Variants in MAP2K6 observed in about 807,000 individuals in gnomAD.
MAP2K6 encodes the protein dual specificity mitogen-activated protein kinase kinase 6.
Under a neutral mutation model 53.7 loss-of-function variants are expected in MAP2K6, and 16 were observed. That is an observed-to-expected ratio of 0.30 (90% CI 0.20 to 0.45). The LOEUF (loss-of-function observed/expected upper bound fraction) is 0.45. Ranked by LOEUF, MAP2K6 falls within the 20% of genes least tolerant of loss-of-function variation. The probability of loss-of-function intolerance (pLI) is 1.00; values close to 1 mark genes in which losing one functional copy is unlikely to be tolerated. For synonymous variants in MAP2K6, 132 were observed against 143.1 expected (o/e 0.92, Z 0.55); for missense variants, 204 against 411.9 (o/e 0.50, Z 4.37).
intron 1 of MAP2K6, among the ~76,000 whole-genome samples, chr17:69,470,710 C>A (rs1327713209): frequency 6.6e-6 from 1 of 152,226 alleles, no homozygotes; most frequent in African/African-American, 2.4e-5. Flanking sequence ...TCCTCAACGG[C>A]ACTACCTGCT....
chr17:69,526,801 C>T lies in MAP2K6; in HGVS notation c.881+92C>T, dbSNP rs188432093. 15 of 1,429,804 alleles carry T rather than the reference C, an allele frequency of 1.0e-5. No individual in the cohort carries two copies. The East Asian group carries it at 1.9e-4, about 18-fold the overall frequency. The allele number at this position is 1,429,804 out of a possible 1,614,324, so 88.6% of individuals were successfully genotyped here. A position where few individuals can be genotyped will look rare whatever the true frequency, so the allele number is the denominator to read the frequency against. Reference sequence around the variant, plus strand: ...ATCGGGGTTGAATCCATCATGCATACATTCATTCCGAAAGCATTTGTGGAG... The same window carrying T: ...ATCGGGGTTGAATCCATCATGCATATATTCATTCCGAAAGCATTTGTGGAG... On this transcript the variant is annotated intron_variant, in intron 10 of 11. Coordinates refer to ENST00000590474, the MANE Select transcript of MAP2K6 (RefSeq NM_002758.4).
intron 1 of MAP2K6, among the ~76,000 whole-genome samples, chr17:69,493,578 T>G (rs1005552418): frequency 1.3e-5 from 2 of 152,068 alleles, no homozygotes; most frequent in African/African-American, 4.8e-5. Flanking sequence ...CTGGCCAGCA[T>G]GGCGAAACCC....
chr17:69,492,327 A>G (rs750956027), intron 1 of MAP2K6, among the ~76,000 whole-genome samples: 2 of 152,154 alleles, frequency 1.3e-5, no homozygotes, highest in Non-Finnish European at 2.9e-5. Flanking sequence ...TGGTTTTCGT[A>G]TATGGTATAA....
chr17:69,444,511 G>T (rs1385839360), intron 1 of MAP2K6, among the ~76,000 whole-genome samples: 1 of 152,200 alleles, frequency 6.6e-6, no homozygotes, highest in Non-Finnish European at 1.5e-5. Context: ...ATCGAAGGAA[G>T]GGGTCTGGTG....
At chr17:69,480,469 TGAG>T (rs1429281295) in intron 1 of MAP2K6, among the ~76,000 whole-genome samples, 1 of 152,170 alleles carries the variant, frequency 6.6e-6, no homozygotes, top group African/African-American at 2.4e-5. Flanking sequence ...TTGAGACAAT[TGAG>T]GAGAAGTAGT....
chr17:69,426,489 C>T (rs1906280447), intron 1 of MAP2K6, among the ~76,000 whole-genome samples: 1 of 152,158 alleles, frequency 6.6e-6, no homozygotes, highest in Non-Finnish European at 1.5e-5. Flanking sequence ...TATAAACATA[C>T]ATTTGCTTCA....
chr17:69,421,737 A>T (rs1471072400), intron 1 of MAP2K6, among the ~76,000 whole-genome samples: 4 of 150,746 alleles, frequency 2.7e-5, no homozygotes, highest in Non-Finnish European at 5.9e-5. Flanking sequence ...TAGAGATGGG[A>T]TTTCACCGTG....
chr17:69,530,608 C>A (rs2716197), intron 10 of MAP2K6, among the ~76,000 whole-genome samples: 90,497 of 151,894 alleles, frequency 0.6, 27,143 homozygotes, highest in Middle Eastern at 0.72. Flanking sequence ...TGCAAGCTCT[C>A]CTATTTCAGA....
At chr17:69,436,019 TAAAA>T (rs10610258) in intron 1 of MAP2K6, among the ~76,000 whole-genome samples, 1 of 144,786 alleles carries the variant, frequency 6.9e-6, no homozygotes, top group African/African-American at 2.5e-5. Context: ...CGATTTAAAA[TAAAA>T]AAAAAAAAAA....
intron 1 of MAP2K6, among the ~76,000 whole-genome samples, chr17:69,479,260 C>T (rs1023092091): frequency 1.3e-5 from 2 of 151,996 alleles, no homozygotes; most frequent in African/African-American, 4.8e-5. Flanking sequence ...CTACTTCTTC[C>T]AAGCAGTACA....
intron 10 of MAP2K6, among the ~76,000 whole-genome samples, chr17:69,529,357 A>G (rs760272922): frequency 6.6e-6 from 1 of 151,820 alleles, no homozygotes; most frequent in Non-Finnish European, 1.5e-5. Flanking sequence ...ATTTTCTTCA[A>G]TTTGTTTAAA....
At chr17:69,520,924 C>A in intron 6 of MAP2K6, 125 bp from the exon 7 acceptor site, 2 of 673,082 alleles carry the variant, frequency 3.0e-6, no homozygotes, top group Non-Finnish European at 2.5e-6. Flanking sequence ...TAGATAGGAC[C>A]ACCACTATTT....
Position 69,549,250 on chromosome 17 carries a change from T to C in MAP2K6, c.*7497T>C, listed in dbSNP as rs1911999790. ...TGATGTGCTCCATAGCTTTCTCCAG[T>C]TTACACTTTTGCATTTCTGAGATTC... On this transcript the variant is annotated 3_prime_UTR_variant, in exon 12 of 12. Coordinates refer to ENST00000590474, the MANE Select transcript of MAP2K6 (RefSeq NM_002758.4). 6.6e-6 allele frequency: 1 copy of C among 152,192 alleles called. No homozygotes were observed. Among genetic ancestry groups the C allele is most frequent in the South Asian group, 2.1e-4 (1 of 4,832 alleles). The allele number at this position is 152,192 out of a possible 1,614,324, so 9.4% of individuals were successfully genotyped here. A position where few individuals can be genotyped will look rare whatever the true frequency, so the allele number is the denominator to read the frequency against.
intron 1 of MAP2K6, among the ~76,000 whole-genome samples, chr17:69,436,748 A>G (rs532864460): frequency 7.0e-6 from 1 of 143,774 alleles, no homozygotes; most frequent in Non-Finnish European, 1.6e-5. Context: ...AGGGACACTG[A>G]CCCCCCCATG....
Position 69,415,010 on chromosome 17 carries a change from T to C in MAP2K6, c.16+10T>C. On this transcript the variant is annotated intron_variant, in intron 1 of 11. Coordinates refer to ENST00000590474, the MANE Select transcript of MAP2K6 (RefSeq NM_002758.4). ...ATGTCTCAGTCGAAAGGTAAGAGGC[T>C]GTTTGCATTAGTTGCAAAAATGCAA... 1 of 1,547,866 alleles carries C rather than the reference T, an allele frequency of 6.5e-7. No homozygotes were observed. The highest frequency in any genetic ancestry group is 1.1e-5 in the South Asian group (1 of 89,644).
intron 2 of MAP2K6, among the ~76,000 whole-genome samples, chr17:69,511,057 A>G (rs899717160): frequency 2.6e-5 from 4 of 152,140 alleles, no homozygotes; most frequent in Non-Finnish European, 5.9e-5. Context: ...ATTAGTTTAC[A>G]TTATAGCATA....
intron 1 of MAP2K6, among the ~76,000 whole-genome samples, chr17:69,487,194 T>G (rs943786539): frequency 6.6e-6 from 1 of 152,216 alleles, no homozygotes; most frequent in South Asian, 2.1e-4. Context: ...CAATAATCCT[T>G]ACACGAGCTA....
intron 2 of MAP2K6, among the ~76,000 whole-genome samples, chr17:69,506,535 T>G (rs1909491760): frequency 6.6e-6 from 1 of 151,874 alleles, no homozygotes; most frequent in South Asian, 2.1e-4. Context: ...CCAAGGAAAC[T>G]CACAATAGAG....
intron 1 of MAP2K6, among the ~76,000 whole-genome samples, chr17:69,496,930 C>T (rs1293039814): frequency 6.6e-6 from 1 of 152,110 alleles, no homozygotes; most frequent in East Asian, 1.9e-4. Context: ...GGTGGAAAAG[C>T]CAGATGACGA....
Sources: allele counts gnomAD v4.1 joint callset (sites outside exome capture counted in the v4.1 genomes callset), GRCh38; gene constraint gnomAD v4.1.1; transcripts MANE v1.5; gene names NCBI Gene and HGNC (gene_info 2026-07-23, HGNC 2026-07-21).